The following KDELR2 variants were observed in gnomAD, a reference collection of about 807,000 sequenced individuals.
The protein encoded by KDELR2 is KDEL endoplasmic reticulum protein retention receptor 2.
Under a neutral mutation model 23.9 loss-of-function variants are expected in KDELR2, and 15 were observed. That is an observed-to-expected ratio of 0.63 (90% CI 0.42 to 0.97). The LOEUF (loss-of-function observed/expected upper bound fraction) is 0.97, where lower values mean the gene tolerates loss of function less well. Ranked by LOEUF, KDELR2 falls within the 50% of genes least tolerant of loss-of-function variation. The probability of loss-of-function intolerance (pLI) is 0.00; values close to 1 mark genes in which losing one functional copy is unlikely to be tolerated. For missense variants in KDELR2, 272 were observed against 254.6 expected (o/e 1.07, Z -0.46); for synonymous variants, 119 against 106.2 (o/e 1.12, Z -0.74).
chr7:6,474,551 G>GT (rs1317466166), intron 1 of KDELR2, among the ~76,000 whole-genome samples: 3 of 152,172 alleles, frequency 2.0e-5, no homozygotes, highest in Non-Finnish European at 2.9e-5. Context: ...GCCAGGATGT[G>GT]TATCATTCAA....
In KDELR2 at chr7:6,462,867, C is replaced by T; in HGVS notation, c.*274G>A. The T allele has an allele frequency of 1.9e-6, 2 of 1,034,546 alleles. No individual in the cohort carries two copies. Among genetic ancestry groups the T allele is most frequent in the Non-Finnish European group, 2.7e-6 (2 of 734,132 alleles). The allele number at this position is 1,034,546 out of a possible 1,614,324, so 64.1% of individuals were successfully genotyped here. On this transcript the variant is annotated 3_prime_UTR_variant, in exon 5 of 5. Transcript: ENST00000258739. ...AAAATCTTCACTTTTGGAACTATCC[C>T]AATTGAAGCTACACACTGAATTTAT...
intron 1 of KDELR2, among the ~76,000 whole-genome samples, chr7:6,483,675 G>A (rs959727623): frequency 2.0e-5 from 3 of 152,202 alleles, no homozygotes; most frequent in Admixed American, 2.0e-4. Flanking sequence ...CCCGTCCCAC[G>A]CCAACTTTTC....
chr7:6,466,061 C>T lies in KDELR2; in HGVS notation c.604+10G>A, dbSNP rs780259268. 2 of 1,612,788 alleles carry T rather than the reference C, an allele frequency of 1.2e-6. No individual in the cohort carries two copies. The highest frequency in any genetic ancestry group is 1.1e-5 in the South Asian group (1 of 90,974). On this transcript the variant is annotated intron_variant, in intron 4 of 4. Transcript: ENST00000258739. ...CACTCTAGAAACAACGCAGGTCGCA[C>T]CCAACATACCTTTTGTAATGTACAA...
In KDELR2 at chr7:6,469,521, G is replaced by A. The variant is rs896622530; in HGVS notation, c.351+75C>T. The A allele has an allele frequency of 1.3e-4, 179 of 1,423,904 alleles. 2 individuals carry two copies. The highest frequency in any genetic ancestry group is 6.5e-4 in the South Asian group (51 of 77,872). 88.2% of individuals were successfully genotyped at this position (1,423,904 alleles called of 1,614,324 possible). The stretch of plus-strand genomic sequence containing the variant: ...CCACCCAAAGTGGAGGCTGAACTCC[G>A]CCTCGGCCTCCCAAAATGCTGGGAT... On this transcript the variant is annotated intron_variant, in intron 3 of 4. Transcript: ENST00000258739.
In KDELR2 at chr7:6,463,194, G is replaced by A; in HGVS notation, c.605-19C>T. ...TTGAGTACTAGAATTTCAAAGAGAA[G>A]AAAAGAAAACAAAAGGTTACTGATA... On this transcript the variant is annotated intron_variant, in intron 4 of 4. Coordinates refer to ENST00000258739, the MANE Select transcript of KDELR2 (RefSeq NM_006854.4). The A allele has an allele frequency of 6.3e-7, 1 of 1,599,516 alleles. No homozygotes were observed. The highest frequency in any genetic ancestry group is 2.2e-5 in the East Asian group (1 of 44,766).
At chr7:6,473,852 C>T (rs1314694615) in intron 2 of KDELR2, among the ~76,000 whole-genome samples, 4 of 152,128 alleles carry the variant, frequency 2.6e-5, no homozygotes. Flanking sequence ...TGTAATTTCC[C>T]ACGGCTTGAA....
intron 1 of KDELR2, among the ~76,000 whole-genome samples, chr7:6,481,470 A>T (rs1785890007): frequency 6.6e-6 from 1 of 152,164 alleles, no homozygotes. Context: ...GCACACTTCA[A>T]GGCTTAATGA....
At chr7:6,473,649 A>G (rs1200604369) in intron 2 of KDELR2, among the ~76,000 whole-genome samples, 4 of 152,246 alleles carry the variant, frequency 2.6e-5, no homozygotes, top group Non-Finnish European at 5.9e-5. Context: ...TGGTATAGAG[A>G]TCATTTAAGC....
At chr7:6,482,887 C>T (rs1412722604) in intron 1 of KDELR2, among the ~76,000 whole-genome samples, 1 of 150,322 alleles carries the variant, frequency 6.7e-6, no homozygotes, top group Non-Finnish European at 1.5e-5. Context: ...CGCATGGAGT[C>T]CCAGCTATTC....
In KDELR2 at chr7:6,464,317, A is replaced by G. The variant is rs529072319; in HGVS notation, c.605-1142T>C. On this transcript the variant is annotated intron_variant, in intron 4 of 4. Transcript: ENST00000258739. ...GTGCGGATCACGAGGTTGGGAGTTC[A>G]AGACCAGCCTGGCCAACAAGGTGAA... Among the ~76,000 whole-genome samples, 23 of 148,478 alleles carry G rather than the reference A, an allele frequency of 1.5e-4. No individual in the cohort carries two copies. In the East Asian group the frequency reaches 4.1e-3, roughly 27 times the overall value.
In KDELR2 at chr7:6,469,685, C is replaced by T. The variant is rs1224053487; in HGVS notation, c.262G>A (p.Gly88Arg). Residue 88 changes from glycine (G) to arginine (R), a missense_variant, in exon 3 of 5, where the codon GGA (glycine) becomes AGA (arginine). Physicochemically the swap from Gly to Arg is moderately radical, Grantham distance 125. Coordinates refer to ENST00000258739, the MANE Select transcript of KDELR2 (RefSeq NM_006854.4). ...TCCACTCGGAAGGTATCATGATTTC[C>T]ATCGTAGGTTGCCTTAAATTTCAGG... ...IYLKFKATYDGNHDTFRVEFL... is the reference protein window; with the variant it reads ...IYLKFKATYDRNHDTFRVEFL... The T allele has an allele frequency of 6.2e-7, 1 of 1,614,052 alleles. No individual in the cohort carries two copies. Among genetic ancestry groups the T allele is most frequent in the Non-Finnish European group, 8.5e-7 (1 of 1,179,958 alleles).
Position 6,461,488 on chromosome 7 carries a change from A to C in KDELR2, c.*1653T>G, listed in dbSNP as rs983819378. ...GCCTCCTTCCACACTCCGAATCTTC[A>C]AGCAGGATGAAAAGAGACCACAGAA... On this transcript the variant is annotated 3_prime_UTR_variant, in exon 5 of 5. Transcript: ENST00000258739. 6.6e-6 allele frequency: 1 copy of C among 151,988 alleles called. No individual in the cohort carries two copies. The highest frequency in any genetic ancestry group is 1.5e-5 in the Non-Finnish European group (1 of 68,018). The allele number at this position is 151,988 out of a possible 1,614,324, so 9.4% of individuals were successfully genotyped here.
At chr7:6,478,069 G>C (rs6961571) in intron 1 of KDELR2, among the ~76,000 whole-genome samples, 128,627 of 152,156 alleles carry the variant, frequency 0.85, 54,753 homozygotes, top group African/African-American at 0.89. Context: ...CTACTAACAC[G>C]AAATGCAAAG....
intron 4 of KDELR2, among the ~76,000 whole-genome samples, chr7:6,464,849 C>T (rs1480442885): frequency 1.3e-5 from 2 of 151,088 alleles, no homozygotes; most frequent in Non-Finnish European, 2.9e-5. Flanking sequence ...GATTTTCCTG[C>T]CTCAGCCCCC....
intron 1 of KDELR2, among the ~76,000 whole-genome samples, chr7:6,475,360 G>A (rs1402863722): frequency 6.6e-6 from 1 of 152,198 alleles, no homozygotes; most frequent in Non-Finnish European, 1.5e-5. Flanking sequence ...CCAGGAGGCT[G>A]AGGCTGAGTG....
chr7:6,476,247 C>A (rs1032664350), intron 1 of KDELR2, among the ~76,000 whole-genome samples: 1 of 152,188 alleles, frequency 6.6e-6, no homozygotes, highest in African/African-American at 2.4e-5. Flanking sequence ...GTTGATGCCA[C>A]CCTTCCAGAT....
In KDELR2 at chr7:6,478,334, G is replaced by A. The variant is rs551820999; in HGVS notation, c.92-4050C>T. Among the ~76,000 whole-genome samples, 4 of 151,854 alleles carry A rather than the reference G, an allele frequency of 2.6e-5. 1 individual carries two copies. The East Asian group carries it at 7.8e-4, about 29-fold the overall frequency. On this transcript the variant is annotated intron_variant, in intron 1 of 4. Coordinates refer to ENST00000258739, the MANE Select transcript of KDELR2 (RefSeq NM_006854.4). ...GCTAATTTTTCATTTTTTTTGTAGA[G>A]ACAGGGTTTCACTATGTTGCCCAGG...
chr7:6,476,688 C>A (rs1032880383), intron 1 of KDELR2, among the ~76,000 whole-genome samples: 4 of 151,862 alleles, frequency 2.6e-5, no homozygotes, highest in African/African-American at 9.7e-5. Flanking sequence ...CCCGTGGGGA[C>A]CCAGCTCATA....
intron 4 of KDELR2, among the ~76,000 whole-genome samples, chr7:6,464,565 G>A (rs1043630847): frequency 2.6e-5 from 4 of 151,854 alleles, no homozygotes; most frequent in East Asian, 1.9e-4. Flanking sequence ...GGTAGTGCGC[G>A]ACTGTAATCT....
Sources: gnomAD v4.1 joint callset for allele counts (sites outside exome capture counted in the v4.1 genomes callset) on GRCh38, gnomAD v4.1.1 for gene constraint, MANE v1.5 for transcripts, NCBI Gene and HGNC (gene_info 2026-07-23, HGNC 2026-07-21) for gene names.